Variants in NAV2 observed in about 807,000 individuals in gnomAD.
NAV2 encodes the protein neuron navigator 2, also known as helicase, APC down-regulated 1.
NAV2 carries 54 observed loss-of-function variants against 223.2 expected under a neutral mutation model. The observed-to-expected ratio is 0.24, with a 90% CI of 0.19 to 0.30. The LOEUF (loss-of-function observed/expected upper bound fraction) is 0.30, where lower values mean the gene tolerates loss of function less well. Ranked by LOEUF, NAV2 falls within the 10% of genes least tolerant of loss-of-function variation. The probability of loss-of-function intolerance (pLI) is 1.00; values close to 1 mark genes in which losing one functional copy is unlikely to be tolerated. For missense variants in NAV2, 2,806 were observed against 3,147.5 expected (o/e 0.89, Z 2.60); for synonymous variants, 1,279 against 1,239.3 (o/e 1.03, Z -0.67).
At chr11:20,022,121 A>G (rs1339575100) in intron 11 of NAV2, among the ~76,000 whole-genome samples, 1 of 152,214 alleles carries the variant, frequency 6.6e-6, no homozygotes, top group Non-Finnish European at 1.5e-5. Context: ...ATTTTTGGAG[A>G]GGGAGTCAGG....
chr11:19,374,903 C>T (rs560756061), intron 1 of NAV2, among the ~76,000 whole-genome samples: 1 of 152,192 alleles, frequency 6.6e-6, no homozygotes, highest in African/African-American at 2.4e-5. Context: ...CTTGCCCCAT[C>T]CCCTTCCTGA....
chr11:19,466,630 A>G (rs1425782351), intron 1 of NAV2, among the ~76,000 whole-genome samples: 4 of 152,216 alleles, frequency 2.6e-5, no homozygotes, highest in Non-Finnish European at 5.9e-5. Flanking sequence ...ACAGCTCTAC[A>G]TAGCTAAGGA....
At chr11:19,844,124 C>T (rs1219860373) in intron 3 of NAV2, among the ~76,000 whole-genome samples, 2 of 152,204 alleles carry the variant, frequency 1.3e-5, no homozygotes, top group African/African-American at 4.8e-5. Flanking sequence ...CATCTCATGG[C>T]TGCTTTGACT....
At position 19,984,349 on chromosome 11, in the gene NAV2, C is replaced by A. The variant is rs148534693; in HGVS notation, c.2768+102C>A. The A allele has an allele frequency of 2.6e-5, 40 of 1,546,522 alleles. 1 individual carries two copies. Among genetic ancestry groups the A allele is most frequent in the Non-Finnish European group, 3.5e-6 (4 of 1,138,054 alleles). On this transcript the variant is annotated intron_variant, in intron 11 of 37. Transcript: ENST00000349880. The stretch of plus-strand genomic sequence containing the variant: ...TTGGGAGAGTGAATGGAGACTTGAA[C>A]CCACAGAGAGGGAGGGGAGGCCTGG...
In NAV2 at chr11:20,114,634, G is replaced by A; in HGVS notation, c.7003G>A (p.Val2335Met). 6.2e-7 allele frequency: 1 copy of A among 1,614,180 alleles called. No individual in the cohort carries two copies. The highest frequency in any genetic ancestry group is 1.3e-5 in the African/African-American group (1 of 75,050). The change falls in exon 37 of 38, where the codon GTG (valine) becomes ATG (methionine). Residue 2335 changes from valine to methionine, a missense_variant. Around this residue, in one of 4 missense-constraint regions of NAV2, gnomAD observed 824 missense variants for 1,069.4 expected, o/e 0.77. Transcript: ENST00000349880. ...CCCCTGGGAGGATCCTGCCAAGTGGGTGATGGACACATATCCATGGGCAGC... is the reference window on the plus strand; with the variant it reads ...CCCCTGGGAGGATCCTGCCAAGTGGATGATGGACACATATCCATGGGCAGC... ...RAPWEDPAKW[V>M]MDTYPWAASP...
chr11:19,899,957 T>G (rs1390564917), intron 6 of NAV2, among the ~76,000 whole-genome samples: 1 of 152,144 alleles, frequency 6.6e-6, no homozygotes, highest in East Asian at 1.9e-4. Flanking sequence ...CATCAAGAGA[T>G]CTTTGTCATT....
chr11:19,962,885 C>T (rs2048452201), intron 10 of NAV2, among the ~76,000 whole-genome samples: 1 of 152,204 alleles, frequency 6.6e-6, no homozygotes, highest in Admixed American at 6.5e-5. Flanking sequence ...CTGTGGTTAT[C>T]TCCACTGCAT....
chr11:20,009,400 G>T (rs2053381266), intron 11 of NAV2, among the ~76,000 whole-genome samples: 1 of 152,266 alleles, frequency 6.6e-6, no homozygotes, highest in East Asian at 1.9e-4. Context: ...GAACTCAATG[G>T]TGTCTGAACG....
chr11:19,395,129 G>C (rs1281489381), intron 1 of NAV2, among the ~76,000 whole-genome samples: 1 of 152,208 alleles, frequency 6.6e-6, no homozygotes, highest in African/African-American at 2.4e-5. Flanking sequence ...GGAAGAGTGA[G>C]ACTGTGTTCC....
At chr11:19,427,311 G>A (rs769936899) in intron 1 of NAV2, among the ~76,000 whole-genome samples, 12 of 152,196 alleles carry the variant, frequency 7.9e-5, no homozygotes, top group African/African-American at 7.2e-5. Flanking sequence ...AGCTCCTGGC[G>A]CACAGCAGGC....
At chr11:20,102,730 A>G (rs1786312292) in intron 32 of NAV2, among the ~76,000 whole-genome samples, 2 of 152,086 alleles carry the variant, frequency 1.3e-5, no homozygotes, top group African/African-American at 2.4e-5. Context: ...TACCCCAGGC[A>G]TGCAGGGCTG....
At chr11:19,546,125 C>T (rs12281514) in intron 1 of NAV2, among the ~76,000 whole-genome samples, 3,178 of 152,248 alleles carry the variant, frequency 0.021, 100 homozygotes, top group African/African-American at 0.071. Flanking sequence ...CAGGAAACCA[C>T]ACCAAACTGT....
At chr11:19,440,718 TCTACACACCTCCTGG>T (rs1851371451) in intron 1 of NAV2, among the ~76,000 whole-genome samples, 3 of 152,184 alleles carry the variant, frequency 2.0e-5, no homozygotes, top group Admixed American at 1.3e-4. Context: ...GACTGCCCAG[TCTACACACCTCCTGG>T]CATCGACTAG....
At chr11:19,753,134 G>A (rs1240398641) in intron 1 of NAV2, among the ~76,000 whole-genome samples, 1 of 152,188 alleles carries the variant, frequency 6.6e-6, no homozygotes, top group South Asian at 2.1e-4. Context: ...CCAGAACTGA[G>A]AAATGAATGT....
At chr11:19,903,461 G>C (rs1378187886) in intron 6 of NAV2, among the ~76,000 whole-genome samples, 1 of 152,156 alleles carries the variant, frequency 6.6e-6, no homozygotes, top group Non-Finnish European at 1.5e-5. Context: ...GATAACAACT[G>C]CTGATGGAAA....
At chr11:19,635,460 G>A (rs1350910480) in intron 1 of NAV2, among the ~76,000 whole-genome samples, 3 of 152,156 alleles carry the variant, frequency 2.0e-5, no homozygotes, top group African/African-American at 7.2e-5. Flanking sequence ...GAATACCTGA[G>A]GATTGGTAAT....
intron 3 of NAV2, among the ~76,000 whole-genome samples, chr11:19,855,505 G>A (rs1027813023): frequency 6.6e-6 from 1 of 152,172 alleles, no homozygotes; most frequent in Admixed American, 6.5e-5. Flanking sequence ...GGGTGAGAGG[G>A]CTCCCACATT....
At chr11:19,524,705 T>C (rs2043789721) in intron 1 of NAV2, among the ~76,000 whole-genome samples, 2 of 152,204 alleles carry the variant, frequency 1.3e-5, no homozygotes, top group South Asian at 4.1e-4. Context: ...TTTATTGTTT[T>C]TATCTTTTTT....
At chr11:20,031,734 TTG>T (rs5790104) in intron 11 of NAV2, among the ~76,000 whole-genome samples, 37,847 of 148,904 alleles carry the variant, frequency 0.25, 5,148 homozygotes, top group Middle Eastern at 0.38. Context: ...CATTTTCGCT[TTG>T]TGTGTGTGTG....
Sources: allele counts gnomAD v4.1 joint callset (sites outside exome capture counted in the v4.1 genomes callset), GRCh38; gene constraint gnomAD v4.1.1; regional missense constraint gnomAD v4.1.1; transcripts MANE v1.5; gene names NCBI Gene and HGNC (gene_info 2026-07-23, HGNC 2026-07-21).